The following TASP1 variants were observed in gnomAD, a reference collection of about 807,000 sequenced individuals.
The protein encoded by TASP1 is threonine aspartase 1.
Under a neutral mutation model 56.6 loss-of-function variants are expected in TASP1, and 16 were observed. That is an observed-to-expected ratio of 0.28 (90% CI 0.19 to 0.43). TASP1 has a LOEUF of 0.43. TASP1 is among the 20% of genes least tolerant of loss of function. The pLI is 1.00. For synonymous variants in TASP1, 179 were observed against 184.2 expected (o/e 0.97, Z 0.23); for missense variants, 393 against 511.6 (o/e 0.77, Z 2.24).
chr20:13,454,267 C>T (rs147142381), intron 11 of TASP1, among the ~76,000 whole-genome samples: 2 of 152,160 alleles, frequency 1.3e-5, no homozygotes, highest in African/African-American at 2.4e-5. Context: ...AAACTTGCTG[C>T]TCTGTGGAGA....
Position 13,413,525 on chromosome 20 carries a change from G to A in TASP1, c.1170+3923C>T, listed in dbSNP as rs189302132. ...TTTTGCAAAATATTTGTAATGGGAT[G>A]TGTTATCTGAATTTTGGTCATTCTA... On this transcript the variant is annotated intron_variant, in intron 13 of 13. Transcript: ENST00000337743. Among the ~76,000 whole-genome samples the A allele has an allele frequency of 2.2e-4, 34 of 152,270 alleles. No individual in the cohort carries two copies. The East Asian group carries it at 6.0e-3, about 27-fold the overall frequency.
At chr20:13,104,962 G>A in the TASP1 span, among the ~76,000 whole-genome samples, 1 of 152,100 alleles carries the variant, frequency 6.6e-6, no homozygotes, top group East Asian at 1.9e-4. Context: ...GTGTCATGGG[G>A]ATTAACATAA....
At chr20:13,374,389 C>T in the TASP1 span, among the ~76,000 whole-genome samples, 9 of 151,654 alleles carry the variant, frequency 5.9e-5, no homozygotes, top group South Asian at 1.9e-3. Context: ...GCTCTTTCGC[C>T]CAGGCTGGAG....
chr20:13,602,404 A>C (rs1445077228), intron 4 of TASP1, among the ~76,000 whole-genome samples: 2 of 152,204 alleles, frequency 1.3e-5, no homozygotes, highest in East Asian at 3.8e-4. Flanking sequence ...TTAGGCAAAA[A>C]CTAAGAAAAT....
At chr20:13,112,791 A>G in the TASP1 span, among the ~76,000 whole-genome samples, 1 of 152,204 alleles carries the variant, frequency 6.6e-6, no homozygotes, top group Admixed American at 6.5e-5. Flanking sequence ...CAATTTCCTC[A>G]TCTGTAAAAT....
the TASP1 span, among the ~76,000 whole-genome samples, chr20:13,351,073 T>C: frequency 6.6e-6 from 1 of 151,846 alleles, no homozygotes; most frequent in African/African-American, 2.4e-5. Context: ...AATAAACATA[T>C]GAAAAGAAGC....
At chr20:13,290,160 G>A in the TASP1 span, among the ~76,000 whole-genome samples, 7 of 152,254 alleles carry the variant, frequency 4.6e-5, no homozygotes, top group East Asian at 1.9e-4. Context: ...CAACCATTAC[G>A]GTGCTTTTCC....
At chr20:13,485,517 T>C (rs1464252223) in intron 10 of TASP1, among the ~76,000 whole-genome samples, 2 of 152,206 alleles carry the variant, frequency 1.3e-5, no homozygotes, top group African/African-American at 4.8e-5. Flanking sequence ...ATGGCTTCCC[T>C]GTATTTTTGG....
intron 4 of TASP1, among the ~76,000 whole-genome samples, chr20:13,597,327 A>T (rs878883855): frequency 6.6e-6 from 1 of 152,240 alleles, no homozygotes; most frequent in African/African-American, 2.4e-5. Context: ...CAAAAAGCTT[A>T]TCCATCACAA....
chr20:13,280,399 C>CA, the TASP1 span, among the ~76,000 whole-genome samples: 2 of 147,534 alleles, frequency 1.4e-5, no homozygotes, highest in Non-Finnish European at 3.0e-5. Context: ...TAACCCCCCC[C>CA]CCCCAATACA....
the TASP1 span, among the ~76,000 whole-genome samples, chr20:13,215,529 G>A: frequency 1.3e-5 from 2 of 152,208 alleles, no homozygotes; most frequent in Non-Finnish European, 2.9e-5. Flanking sequence ...GGTCACTGGA[G>A]GAGCAGGTCA....
chr20:13,321,732 T>C, the TASP1 span, among the ~76,000 whole-genome samples: 2 of 152,196 alleles, frequency 1.3e-5, no homozygotes, highest in Non-Finnish European at 1.5e-5. Flanking sequence ...ACATAACTAT[T>C]TTTCACATGT....
At chr20:13,585,402 T>C (rs6042225) in intron 5 of TASP1, among the ~76,000 whole-genome samples, 85,126 of 152,084 alleles carry the variant, frequency 0.56, 25,504 homozygotes, top group African/African-American at 0.78. Flanking sequence ...TAAGAGATTG[T>C]AAAGGCAAAC....
At chr20:13,559,901 G>C (rs1171922404) in intron 7 of TASP1, among the ~76,000 whole-genome samples, 1 of 152,016 alleles carries the variant, frequency 6.6e-6, no homozygotes, top group East Asian at 1.9e-4. Context: ...AAGAATAAAA[G>C]CCAGCCGAAT....
the TASP1 span, chr20:13,166,297 A>G: frequency 1.3e-5 from 2 of 152,778 alleles, no homozygotes; most frequent in South Asian, 2.1e-4. Context: ...CCTGCGATGG[A>G]TGGAGCAGTG....
At chr20:13,342,593 A>G in the TASP1 span, among the ~76,000 whole-genome samples, 1 of 152,176 alleles carries the variant, frequency 6.6e-6, no homozygotes, top group African/African-American at 2.4e-5. Context: ...CAGGCCAGGG[A>G]TGACAGGGCA....
chr20:13,357,868 C>G, the TASP1 span, among the ~76,000 whole-genome samples: 1 of 152,182 alleles, frequency 6.6e-6, no homozygotes, highest in Non-Finnish European at 1.5e-5. Context: ...AAAAGTCAGA[C>G]TAGAATGAAT....
At chr20:13,535,342 TAG>T (rs1307298084) in intron 8 of TASP1, among the ~76,000 whole-genome samples, 1 of 152,166 alleles carries the variant, frequency 6.6e-6, no homozygotes, top group Non-Finnish European at 1.5e-5. Context: ...AACTCAGAAG[TAG>T]AGTGTGCCAC....
chr20:13,334,220 A>G, the TASP1 span, among the ~76,000 whole-genome samples: 1 of 152,224 alleles, frequency 6.6e-6, no homozygotes, highest in Admixed American at 6.5e-5. Context: ...GTGTTTCACT[A>G]GAACCACAGG....
Sources: allele counts gnomAD v4.1 joint callset (sites outside exome capture counted in the v4.1 genomes callset), GRCh38; gene constraint gnomAD v4.1.1; transcripts MANE v1.5; gene names NCBI Gene and HGNC (gene_info 2026-07-23, HGNC 2026-07-21).